Variants in FN1 observed in about 807,000 individuals in gnomAD.
FN1 encodes the protein fibronectin 1.
FN1 carries 106 observed loss-of-function variants against 297.3 expected under a neutral mutation model. That is an observed-to-expected ratio of 0.36 (90% CI 0.30 to 0.42). The LOEUF is 0.42. Among genes scored for constraint, FN1 ranks in the 10% least tolerant of loss-of-function variants. FN1 has a pLI of 1.00. For missense variants in FN1, 2,690 were observed against 3,124.9 expected, an observed-to-expected ratio of 0.86 and a Z score of 3.32; for synonymous variants, 1,149 against 1,152.6, an observed-to-expected ratio of 1.00 and a Z score of 0.06.
intron 45 of FN1, 120 bp from the exon 46 acceptor site, chr2:215,361,746 C>G: frequency 9.8e-7 from 1 of 1,022,546 alleles, no homozygotes; most frequent in South Asian, 1.3e-5. Flanking sequence ...ATATTTCTTC[C>G]TAGTTTCAAG....
intron 36 of FN1, 87 bp from the exon 37 acceptor site, chr2:215,375,805 T>G: frequency 1.2e-6 from 1 of 825,000 alleles, no homozygotes; most frequent in Non-Finnish European, 2.1e-6. Context: ...TCTGGGTTCT[T>G]CTATCATCCC....
rs10542238 is a variant in FN1 at position 215,385,248 on chromosome 2, TAAAAA to T, written c.4613-277_4613-273del. On this transcript the variant is annotated intron_variant, in intron 28 of 45. Coordinates refer to ENST00000354785, the MANE Select transcript of FN1 (RefSeq NM_212482.4). ...AAAAATTTCAAAACTACAGAAAAGTTAAAAAAAAAAAAAAAAAAAAAAGTGATACA... is the reference window on the plus strand; with the variant it reads ...AAAAATTTCAAAACTACAGAAAAGTTAAAAAAAAAAAAAAAAAGTGATACA... Among the ~76,000 whole-genome samples, 405 of 128,084 alleles carry T rather than the reference TAAAAA, an allele frequency of 3.2e-3. 3 individuals are homozygous for T. Among genetic ancestry groups the T allele is most frequent in the East Asian group, 0.019 (88 of 4,616 alleles). The allele number at this position is 128,084 out of a possible 152,430, so 84.0% of individuals were successfully genotyped here.
intron 43 of FN1, 152 bp from the exon 44 acceptor site, chr2:215,365,137 A>G (rs879718023): frequency 9.4e-5 from 66 of 705,698 alleles, no homozygotes; most frequent in Middle Eastern, 4.6e-4. Context: ...CAGTACTGCT[A>G]TACAGATCTT....
chr2:215,414,765 G>A, intron 13 of FN1, 72 bp downstream of exon 13: 1 of 1,599,418 alleles, frequency 6.3e-7, no homozygotes. Context: ...CAAAAGCTGG[G>A]AAAAAAAGAA....
intron 21 of FN1, among the ~76,000 whole-genome samples, chr2:215,398,203 G>A (rs1009744402): frequency 8.5e-5 from 13 of 152,224 alleles, no homozygotes; most frequent in African/African-American, 3.1e-4. Flanking sequence ...TAGAAGGAAT[G>A]TCTGAGCTCT....
intron 42 of FN1, among the ~76,000 whole-genome samples, chr2:215,365,907 G>C (rs2054480037): frequency 6.7e-6 from 1 of 148,434 alleles, no homozygotes; most frequent in Non-Finnish European, 1.5e-5. Context: ...CTGGGTTCAT[G>C]CAGTTATCCT....
chr2:215,406,438 G>C lies in FN1; in HGVS notation c.2786C>G (p.Pro929Arg). 6.2e-7 allele frequency: 1 copy of C among 1,614,094 alleles called. No homozygotes were observed. Residue 929 changes from proline to arginine, a missense_variant, in exon 19 of 46, where the codon CCG (proline) becomes CGG (arginine). By Grantham distance (103) the Pro-to-Arg change is moderately radical (BLOSUM62 -2). This residue lies in a region of FN1 where 1,743 missense variants were observed against 1,945.2 expected (regional missense o/e 0.90). Transcript: ENST00000354785. ...TDVKVTIMWT[P>R]PESAVTGYRV... ...GTAGCCGGTCACTGCACTCTCAGGC[G>C]GTGTCCACATGATGGTGACCTTCAC...
rs768768485 is a variant in FN1, at chr2:215,430,855, G to A, written c.548-3C>T. Reference sequence around the variant, plus strand: ...AGCATGATCAAAACACTTCTCAGCTGTAGGGAAATTTGGAAGAAAAACAGG... The same window carrying A: ...AGCATGATCAAAACACTTCTCAGCTATAGGGAAATTTGGAAGAAAAACAGG... On this transcript the variant is annotated splice_polypyrimidine_tract_variant and splice_region_variant and intron_variant, in intron 4 of 45. Coordinates refer to ENST00000354785, the MANE Select transcript of FN1 (RefSeq NM_212482.4). 2 of 1,613,996 alleles carry A rather than the reference G, an allele frequency of 1.2e-6. No individual in the cohort carries two copies. Among genetic ancestry groups the A allele is most frequent in the South Asian group, 2.2e-5 (2 of 91,082 alleles).
Position 215,384,856 on chromosome 2 carries a change from G to C in FN1, c.4729+4C>G. 6.4e-7 allele frequency: 1 copy of C among 1,555,176 alleles called. No individual in the cohort carries two copies. Reference sequence around the variant, plus strand: ...GAGTGTAAAATAGCATTTTACTGCTGTACCTGTCTCTCCGTAAGTGATCCT... The same window carrying C: ...GAGTGTAAAATAGCATTTTACTGCTCTACCTGTCTCTCCGTAAGTGATCCT... On this transcript the variant is annotated splice_donor_region_variant and intron_variant, in intron 29 of 45. Transcript: ENST00000354785.
At chr2:215,426,349 C>T (rs554796934) in intron 6 of FN1, among the ~76,000 whole-genome samples, 35 of 152,010 alleles carry the variant, frequency 2.3e-4, no homozygotes, top group South Asian at 1.9e-3. Flanking sequence ...GGGGTTTCAC[C>T]GTGTTAGCCA....
intron 2 of FN1, among the ~76,000 whole-genome samples, chr2:215,433,818 T>A (rs1575918175): frequency 6.6e-6 from 1 of 152,212 alleles, no homozygotes; most frequent in Non-Finnish European, 1.5e-5. Flanking sequence ...AAGCAAACGA[T>A]TGGCCGGGCA....
chr2:215,423,477 G>C lies in FN1; in HGVS notation c.1266C>G (p.Phe422Leu). The change falls in exon 9 of 46, where the codon TTC becomes TTG. Residue 422 changes from phenylalanine to leucine, a missense_variant. By Grantham distance (22) the Phe-to-Leu change is conservative. Coordinates refer to ENST00000354785, the MANE Select transcript of FN1 (RefSeq NM_212482.4). Reference sequence around the variant, plus strand: ...AATTGTGGTTGTTGTATAGGAAGGGGAAGTGGCACAAGGCACCATTGGAAT... The same window carrying C: ...AATTGTGGTTGTTGTATAGGAAGGGCAAGTGGCACAAGGCACCATTGGAAT... ...GGNSNGALCH[F>L]PFLYNNHNYT... 1 of 1,614,188 alleles carries C rather than the reference G, an allele frequency of 6.2e-7. No homozygotes were observed. The highest frequency in any genetic ancestry group is 1.1e-5 in the South Asian group (1 of 91,082).
rs762109154 is a variant in FN1, at chr2:215,372,309, G to A, written c.6314C>T (p.Pro2105Leu). 6.2e-7 allele frequency: 1 copy of A among 1,614,216 alleles called. No individual in the cohort carries two copies. Among genetic ancestry groups the A allele is most frequent in the South Asian group, 1.1e-5 (1 of 91,086 alleles). The change falls in exon 40 of 46, where the codon CCT becomes CTT. Residue 2105 changes from proline (P) to leucine (L), a missense_variant. Transcript: ENST00000354785. ...GAAAGGGGTCTTTTGAACTGTGGAAGGAACATCCAAGATCTCTGGTCCATG... is the reference window on the plus strand; with the variant it reads ...GAAAGGGGTCTTTTGAACTGTGGAAAGAACATCCAAGATCTCTGGTCCATG... ...NLHGPEILDVPSTVQKTPFVT... is the reference protein window; with the variant it reads ...NLHGPEILDVLSTVQKTPFVT...
At chr2:215,369,000 G>A (rs1483758972) in intron 41 of FN1, among the ~76,000 whole-genome samples, 1 of 152,082 alleles carries the variant, frequency 6.6e-6, no homozygotes, top group Non-Finnish European at 1.5e-5. Flanking sequence ...TTTTTAAAAG[G>A]TGTCACCCTT....
chr2:215,368,778 ATAAG>A (rs1367862443), intron 41 of FN1, among the ~76,000 whole-genome samples: 1 of 152,196 alleles, frequency 6.6e-6, no homozygotes, highest in Non-Finnish European at 1.5e-5. Context: ...TGATTTAGGA[ATAAG>A]TAAGGGAGTC....
intron 21 of FN1, 93 bp downstream of exon 21, chr2:215,399,164 C>G: frequency 1.1e-6 from 1 of 918,112 alleles, no homozygotes; most frequent in South Asian, 1.3e-5. Flanking sequence ...AAACCCAGGT[C>G]TCCTGACTCC....
chr2:215,411,665 CTT>C (rs11367419), intron 13 of FN1, among the ~76,000 whole-genome samples: 1,344 of 120,124 alleles, frequency 0.011, 10 homozygotes, highest in African/African-American at 0.033. Flanking sequence ...ATTCAATGTA[CTT>C]TTTTTTTTTT....
chr2:215,401,115 T>G (rs1200617768), intron 20 of FN1, among the ~76,000 whole-genome samples: 4 of 150,142 alleles, frequency 2.7e-5, no homozygotes, highest in Non-Finnish European at 5.9e-5. Context: ...AAAAATCTTA[T>G]TTTTAAATAA....
chr2:215,361,914 G>A, intron 45 of FN1, 55 bp downstream of exon 45: 1 of 1,598,034 alleles, frequency 6.3e-7, no homozygotes, highest in Non-Finnish European at 8.6e-7. Context: ...AAAGATACCT[G>A]TAGAAAGAGA....
Sources: allele counts gnomAD v4.1 joint callset (sites outside exome capture counted in the v4.1 genomes callset), GRCh38; gene constraint gnomAD v4.1.1; regional missense constraint gnomAD v4.1.1; transcripts MANE v1.5; gene names NCBI Gene and HGNC (gene_info 2026-07-23, HGNC 2026-07-21).